The following NAPB variants were observed in gnomAD, a reference collection of about 807,000 sequenced individuals.
The protein encoded by NAPB is NSF attachment protein beta.
Under a neutral mutation model 44.7 loss-of-function variants are expected in NAPB, and 26 were observed. The observed-to-expected ratio is 0.58, with a 90% CI of 0.43 to 0.81. The LOEUF (loss-of-function observed/expected upper bound fraction) is 0.81. Among genes scored for constraint, NAPB ranks in the 30% least tolerant of loss-of-function variants. NAPB has a pLI of 0.00. For synonymous variants in NAPB, 120 were observed against 116.8 expected, an observed-to-expected ratio of 1.03 and a Z score of -0.18; for missense variants, 315 against 356.4, an observed-to-expected ratio of 0.88 and a Z score of 0.94.
chr20:23,391,267 C>T (rs1331849589), intron 5 of NAPB, among the ~76,000 whole-genome samples: 7 of 152,098 alleles, frequency 4.6e-5, no homozygotes, highest in African/African-American at 1.4e-4. Context: ...GCTGAGATCG[C>T]GCCATTGCAC....
chr20:23,391,548 CTT>C, intron 5 of NAPB, among the ~76,000 whole-genome samples: 1 of 152,288 alleles, frequency 6.6e-6, no homozygotes, highest in East Asian at 1.9e-4. Flanking sequence ...ATGAGCAGCT[CTT>C]TAAACCAGGG....
At chr20:23,392,770 G>A (rs1326998983) in intron 5 of NAPB, among the ~76,000 whole-genome samples, 1 of 151,732 alleles carries the variant, frequency 6.6e-6, no homozygotes, top group Non-Finnish European at 1.5e-5. Context: ...TGATCCTCCT[G>A]CCTTGGCCTC....
intron 1 of NAPB, among the ~76,000 whole-genome samples, chr20:23,412,861 T>C (rs1251911534): frequency 6.6e-6 from 1 of 152,134 alleles, no homozygotes; most frequent in Admixed American, 6.5e-5. Context: ...CCAGGTGTGG[T>C]GGCGTGTGCC....
At chr20:23,399,298 G>A (rs918320379) in intron 2 of NAPB, among the ~76,000 whole-genome samples, 2 of 152,080 alleles carry the variant, frequency 1.3e-5, no homozygotes, top group African/African-American at 4.8e-5. Context: ...ATTAAGAGGT[G>A]GGGCCTTTGG....
chr20:23,415,923 G>A (rs1049795893), intron 1 of NAPB, among the ~76,000 whole-genome samples: 9 of 152,144 alleles, frequency 5.9e-5, no homozygotes, highest in South Asian at 2.1e-4. Flanking sequence ...CAGATATCTC[G>A]CCACTGCCTT....
chr20:23,420,384 T>C (rs1386324019), intron 1 of NAPB, among the ~76,000 whole-genome samples: 1 of 152,154 alleles, frequency 6.6e-6, no homozygotes, highest in Non-Finnish European at 1.5e-5. Flanking sequence ...AGAAAATATA[T>C]TCGTTCATTA....
At position 23,376,925 on chromosome 20, in the gene NAPB, T is replaced by A. The variant is rs141608250; in HGVS notation, c.*451A>T. On this transcript the variant is annotated 3_prime_UTR_variant, in exon 11 of 11. Transcript: ENST00000377026. ...AAATAGAAATGATTTCTAATGAAGT[T>A]ATAAACTCATTCCTAGTAACTGTCC... The A allele has an allele frequency of 6.6e-6, 1 of 152,324 alleles. No individual in the cohort carries two copies. The highest frequency in any genetic ancestry group is 2.4e-5 in the African/African-American group (1 of 41,446). 9.4% of individuals were successfully genotyped at this position (152,324 alleles called of 1,614,324 possible).
chr20:23,415,142 T>C (rs1485903720), intron 1 of NAPB, among the ~76,000 whole-genome samples: 1 of 152,172 alleles, frequency 6.6e-6, no homozygotes, highest in African/African-American at 2.4e-5. Flanking sequence ...AATCAACAGA[T>C]ACTGTCTGAA....
rs544373759 is a variant in NAPB at position 23,376,781 on chromosome 20, G to A, written c.*595C>T. ...TCCAGAAAGCTCCCTTCCTCACAATGTGATGCCTACAGACCCTGGCTATTC... is the reference window on the plus strand; with the variant it reads ...TCCAGAAAGCTCCCTTCCTCACAATATGATGCCTACAGACCCTGGCTATTC... On this transcript the variant is annotated 3_prime_UTR_variant, in exon 11 of 11. Transcript: ENST00000377026. 1 of 152,312 alleles carries A rather than the reference G, an allele frequency of 6.6e-6. No individual in the cohort carries two copies. The highest frequency in any genetic ancestry group is 2.1e-4 in the South Asian group (1 of 4,830). The allele number at this position is 152,312 out of a possible 1,614,324, so 9.4% of individuals were successfully genotyped here. A position where few individuals can be genotyped will look rare whatever the true frequency, so the allele number is the denominator to read the frequency against.
chr20:23,379,557 A>T, intron 9 of NAPB, 62 bp from the exon 10 acceptor site: 2 of 1,279,680 alleles, frequency 1.6e-6, no homozygotes, highest in Non-Finnish European at 2.2e-6. Flanking sequence ...TTCTAAATAT[A>T]TACTTTAAGT....
intron 2 of NAPB, among the ~76,000 whole-genome samples, chr20:23,400,426 G>A (rs1219454783): frequency 6.6e-6 from 1 of 152,196 alleles, no homozygotes; most frequent in Non-Finnish European, 1.5e-5. Context: ...TGAGGCAGGA[G>A]AATCGCTTAA....
intron 1 of NAPB, among the ~76,000 whole-genome samples, chr20:23,406,036 G>T (rs1985230246): frequency 6.6e-6 from 1 of 152,274 alleles, no homozygotes; most frequent in East Asian, 1.9e-4. Flanking sequence ...CTGCTCTCAT[G>T]AATGTATTAA....
chr20:23,385,816 T>C (rs1292136325), intron 7 of NAPB, among the ~76,000 whole-genome samples: 1 of 151,914 alleles, frequency 6.6e-6, no homozygotes, highest in African/African-American at 2.4e-5. Context: ...GCAAGTATAT[T>C]AAAGAACTCG....
intron 1 of NAPB, among the ~76,000 whole-genome samples, chr20:23,416,836 T>C (rs1397636249): frequency 6.6e-6 from 1 of 152,200 alleles, no homozygotes; most frequent in African/African-American, 2.4e-5. Flanking sequence ...AAAGCAATCT[T>C]TGTTGAAATA....
intron 5 of NAPB, 30 bp from the exon 6 acceptor site, chr20:23,390,294 A>T (rs1268368539): frequency 6.4e-7 from 1 of 1,568,850 alleles, no homozygotes; most frequent in East Asian, 2.2e-5. Flanking sequence ...ATTCACACAC[A>T]ATTTATTTGG....
intron 1 of NAPB, among the ~76,000 whole-genome samples, chr20:23,406,344 G>T (rs1444193449): frequency 6.6e-6 from 1 of 152,150 alleles, no homozygotes; most frequent in Non-Finnish European, 1.5e-5. Context: ...TCTTTCTGGG[G>T]TGATGAAGAT....
chr20:23,414,003 A>G (rs1985837109), intron 1 of NAPB, among the ~76,000 whole-genome samples: 1 of 152,256 alleles, frequency 6.6e-6, no homozygotes, highest in African/African-American at 2.4e-5. Context: ...AATTGTAGAT[A>G]AAACAATCCT....
At chr20:23,396,392 C>T (rs1031500855) in intron 3 of NAPB, among the ~76,000 whole-genome samples, 1 of 152,084 alleles carries the variant, frequency 6.6e-6, no homozygotes, top group Non-Finnish European at 1.5e-5. Flanking sequence ...TATTTATTCT[C>T]AAAATTTGGG....
chr20:23,386,743 C>A (rs1202608121), intron 7 of NAPB, among the ~76,000 whole-genome samples: 2 of 152,188 alleles, frequency 1.3e-5, no homozygotes, highest in East Asian at 3.9e-4. Flanking sequence ...TGAGAGCCGA[C>A]AACTGAAAGC....
Sources: gnomAD v4.1 joint callset for allele counts (sites outside exome capture counted in the v4.1 genomes callset) on GRCh38, gnomAD v4.1.1 for gene constraint, MANE v1.5 for transcripts, NCBI Gene and HGNC (gene_info 2026-07-23, HGNC 2026-07-21) for gene names.